SLC35F4: variants seen among roughly 807,000 people sequenced by gnomAD.
SLC35F4 encodes chromosome 14 open reading frame 36.
SLC35F4 carries 24 observed loss-of-function variants against 44.2 expected under a neutral mutation model. The observed-to-expected ratio is 0.54, with a 90% confidence interval of 0.39 to 0.76. The LOEUF (loss-of-function observed/expected upper bound fraction) is 0.76. Ranked by LOEUF, SLC35F4 falls within the 30% of genes least tolerant of loss-of-function variation. The pLI is 0.00. For missense variants in SLC35F4, 562 were observed against 586.1 expected (o/e 0.96, Z 0.42); for synonymous variants, 238 against 223.6 (o/e 1.06, Z -0.57).
At chr14:57,875,690 A>G (rs1167412468) in intron 1 of SLC35F4, among the ~76,000 whole-genome samples, 1 of 152,250 alleles carries the variant, frequency 6.6e-6, no homozygotes, top group African/African-American at 2.4e-5. Flanking sequence ...TTAAGAATGC[A>G]AAGCCTCTTG....
chr14:57,789,918 A>T (rs2077871349), intron 1 of SLC35F4, among the ~76,000 whole-genome samples: 1 of 152,244 alleles, frequency 6.6e-6, no homozygotes, highest in Non-Finnish European at 1.5e-5. Flanking sequence ...CCATAGATGC[A>T]GAAAAGGCCT....
chr14:57,584,054 GTAAGCATATTTTA>G (rs1451219809), intron 3 of SLC35F4, among the ~76,000 whole-genome samples: 2 of 23,330 alleles, frequency 8.6e-5, no homozygotes, highest in East Asian at 9.6e-3. Flanking sequence ...ATATTTTATA[GTAAGCATATTTTA>G]TAGGTGCCTG....
chr14:57,730,640 T>C (rs2076320499), intron 1 of SLC35F4, among the ~76,000 whole-genome samples: 1 of 152,194 alleles, frequency 6.6e-6, no homozygotes, highest in Non-Finnish European at 1.5e-5. Context: ...GTGTGAATAA[T>C]CTAAACTTAA....
At chr14:57,924,617 T>C (rs536237902) in intron 1 of SLC35F4, among the ~76,000 whole-genome samples, 41 of 152,042 alleles carry the variant, frequency 2.7e-4, no homozygotes, top group African/African-American at 9.4e-4. Flanking sequence ...CCCAGCTAAT[T>C]TTTGTATTTT....
chr14:57,858,980 G>A (rs573452064), intron 1 of SLC35F4, among the ~76,000 whole-genome samples: 2 of 151,242 alleles, frequency 1.3e-5, no homozygotes, highest in South Asian at 2.1e-4. Context: ...GTGATGATAC[G>A]CACCTGTAGT....
At chr14:57,929,693 T>C (rs1407859966) in intron 1 of SLC35F4, among the ~76,000 whole-genome samples, 1 of 152,144 alleles carries the variant, frequency 6.6e-6, no homozygotes, top group Non-Finnish European at 1.5e-5. Context: ...ACTGAATTAT[T>C]GAAGACAGGA....
intron 1 of SLC35F4, among the ~76,000 whole-genome samples, chr14:57,607,908 G>A (rs544217849): frequency 1.3e-5 from 2 of 152,262 alleles, no homozygotes; most frequent in South Asian, 2.1e-4. Flanking sequence ...GTAGAAATAA[G>A]GGTGAAAGAG....
intron 2 of SLC35F4, among the ~76,000 whole-genome samples, chr14:57,590,774 C>T (rs1190314): frequency 0.38 from 57,923 of 151,978 alleles, 11,523 homozygotes; most frequent in Admixed American, 0.46. Context: ...AAGGCCTATG[C>T]TGAGGGTTAA....
chr14:57,741,163 A>C (rs919043259), intron 1 of SLC35F4, among the ~76,000 whole-genome samples: 1 of 152,232 alleles, frequency 6.6e-6, no homozygotes, highest in Non-Finnish European at 1.5e-5. Flanking sequence ...AATTCTAAAA[A>C]TCAGAGCGCC....
chr14:57,742,249 A>C (rs1328399236), intron 1 of SLC35F4, among the ~76,000 whole-genome samples: 1 of 152,222 alleles, frequency 6.6e-6, no homozygotes, highest in African/African-American at 2.4e-5. Flanking sequence ...TAAATGGGCT[A>C]AATGCTCCAA....
intron 1 of SLC35F4, among the ~76,000 whole-genome samples, chr14:57,858,226 C>T (rs1005951710): frequency 2.0e-5 from 3 of 151,986 alleles, no homozygotes; most frequent in Non-Finnish European, 4.4e-5. Flanking sequence ...AAGACACATG[C>T]ACACGTATGT....
At chr14:57,811,843 G>A (rs143371241) in intron 1 of SLC35F4, among the ~76,000 whole-genome samples, 86 of 152,234 alleles carry the variant, frequency 5.6e-4, no homozygotes, top group African/African-American at 1.9e-3. Context: ...TTAGCTGGGC[G>A]TGGTGGAGCA....
chr14:57,854,785 T>A (rs1886924616), intron 1 of SLC35F4, among the ~76,000 whole-genome samples: 1 of 152,224 alleles, frequency 6.6e-6, no homozygotes, highest in Admixed American at 6.5e-5. Context: ...CCAGCCCATT[T>A]TAAATAAGCT....
intron 1 of SLC35F4, among the ~76,000 whole-genome samples, chr14:57,831,443 C>CA (rs1459640521): frequency 6.6e-6 from 1 of 152,182 alleles, no homozygotes; most frequent in Non-Finnish European, 1.5e-5. Flanking sequence ...CGCAGGCATA[C>CA]AGCATAGCCT....
At chr14:57,771,291 T>A (rs1231581278) in intron 1 of SLC35F4, among the ~76,000 whole-genome samples, 1 of 152,212 alleles carries the variant, frequency 6.6e-6, no homozygotes, top group Non-Finnish European at 1.5e-5. Flanking sequence ...CCGTTTAATA[T>A]GTCTAAAAAC....
At chr14:57,658,848 TG>T (rs1481664128) in intron 1 of SLC35F4, among the ~76,000 whole-genome samples, 1 of 152,174 alleles carries the variant, frequency 6.6e-6, no homozygotes, top group African/African-American at 2.4e-5. Context: ...ATATTTCTAG[TG>T]AAGGAATAGA....
chr14:57,935,169 G>GATTC (rs1566504405), intron 1 of SLC35F4, among the ~76,000 whole-genome samples: 1 of 152,172 alleles, frequency 6.6e-6, no homozygotes, highest in Non-Finnish European at 1.5e-5. Context: ...ACCTTCCCAT[G>GATTC]ATTTTTCCCT....
At chr14:57,912,956 A>G (rs1388638138) in intron 1 of SLC35F4, among the ~76,000 whole-genome samples, 1 of 152,072 alleles carries the variant, frequency 6.6e-6, no homozygotes, top group African/African-American at 2.4e-5. Flanking sequence ...GTTGTTAGAC[A>G]CATACACAAT....
chr14:57,883,086 A>G (rs1888572936), intron 1 of SLC35F4, among the ~76,000 whole-genome samples: 1 of 152,048 alleles, frequency 6.6e-6, no homozygotes, highest in South Asian at 2.1e-4. Flanking sequence ...GAGGAGGAGA[A>G]ACAGCAGCAG....
Sources: gnomAD v4.1 joint callset for allele counts (sites outside exome capture counted in the v4.1 genomes callset) on GRCh38, gnomAD v4.1.1 for gene constraint, MANE v1.5 for transcripts, NCBI Gene and HGNC (gene_info 2026-07-23, HGNC 2026-07-21) for gene names.